The following KLHL22 variants were observed in gnomAD, a reference collection of about 807,000 sequenced individuals.
The protein encoded by KLHL22 is kelch-like protein 22.
Under a neutral mutation model 60.7 loss-of-function variants are expected in KLHL22, and 18 were observed. The ratio of observed to expected loss-of-function variants is 0.30; its 90% CI spans 0.20 to 0.44. The LOEUF (loss-of-function observed/expected upper bound fraction) is 0.44, where lower values mean the gene tolerates loss of function less well. Among genes scored for constraint, KLHL22 ranks in the 20% least tolerant of loss-of-function variants. The probability of loss-of-function intolerance (pLI) is 1.00; values close to 1 mark genes in which losing one functional copy is unlikely to be tolerated. For synonymous variants in KLHL22, 355 were observed against 354.5 expected (o/e 1.00, Z -0.01); for missense variants, 596 against 852.3 (o/e 0.70, Z 3.74).
At chr22:20,488,824 C>A (rs993592680) in intron 2 of KLHL22, 161 bp downstream of exon 2, 4 of 646,930 alleles carry the variant, frequency 6.2e-6, no homozygotes, top group Admixed American at 2.8e-5. Context: ...ACTCTAAGAC[C>A]CCCTTCTGTC....
intron 6 of KLHL22, 41 bp downstream of exon 6, chr22:20,446,400 TTG>T: frequency 9.2e-7 from 1 of 1,083,458 alleles, no homozygotes. Flanking sequence ...ACTGAGAGGC[TTG>T]GGAATGATGA....
chr22:20,457,268 C>A (rs1042324603), intron 5 of KLHL22, among the ~76,000 whole-genome samples: 1 of 151,660 alleles, frequency 6.6e-6, no homozygotes, highest in South Asian at 2.1e-4. Flanking sequence ...ATAGGATGCA[C>A]GTGATTTTTT....
At chr22:20,460,609 C>A (rs361902) in intron 4 of KLHL22, among the ~76,000 whole-genome samples, 40,102 of 42,588 alleles carry the variant, frequency 0.94, 18,814 homozygotes, top group Admixed American at 0.96. Flanking sequence ...ACTCCATCCC[C>A]CAAAAAAAAA....
chr22:20,489,235 C>T lies in KLHL22; in HGVS notation c.-24G>A, dbSNP rs780569368. 1.3e-5 allele frequency: 21 copies of T among 1,612,510 alleles called. No homozygotes were observed. Among genetic ancestry groups the T allele is most frequent in the Non-Finnish European group, 1.5e-5 (18 of 1,179,344 alleles). On this transcript the variant is annotated 5_prime_UTR_variant, in exon 2 of 7. Coordinates refer to ENST00000328879, the MANE Select transcript of KLHL22 (RefSeq NM_032775.4). Reference sequence around the variant, plus strand: ...ATCCTGACAGCCACAAGATCCCTTACAACTGTGGCCTGACAGTTGGCAAAA... The same window carrying T: ...ATCCTGACAGCCACAAGATCCCTTATAACTGTGGCCTGACAGTTGGCAAAA...
At chr22:20,473,535 A>T (rs555133790) in intron 2 of KLHL22, among the ~76,000 whole-genome samples, 1 of 152,260 alleles carries the variant, frequency 6.6e-6, no homozygotes, top group African/African-American at 2.4e-5. Flanking sequence ...CATTTTATTT[A>T]TTTTTTTGAC....
chr22:20,489,156 T>C lies in KLHL22; in HGVS notation c.56A>G (p.His19Arg). The change falls in exon 2 of 7, where the codon CAC becomes CGC. Residue 19 changes from histidine (H) to arginine (R), a missense_variant. Coordinates refer to ENST00000328879, the MANE Select transcript of KLHL22 (RefSeq NM_032775.4). ...GTAGGTGTTGTTCACGCAGTGTGGG[T>C]GTGAGGGCTGTGCAGGCAACTTGCA... Reference protein sequence around the residue: ...QLCKLPAQPSHPHCVNNTYRS... With the variant: ...QLCKLPAQPSRPHCVNNTYRS... The C allele has an allele frequency of 6.2e-7, 1 of 1,614,016 alleles. No individual in the cohort carries two copies. Among genetic ancestry groups the C allele is most frequent in the South Asian group, 1.1e-5 (1 of 91,068 alleles).
Position 20,465,328 on chromosome 22 carries a change from A to G in KLHL22, c.642T>C (p.Tyr214=), listed in dbSNP as rs992506394. The G allele has an allele frequency of 6.2e-7, 1 of 1,613,990 alleles. No individual in the cohort carries two copies. Among genetic ancestry groups the G allele is most frequent in the South Asian group, 1.1e-5 (1 of 91,080 alleles). Residue 214 remains tyrosine, a synonymous_variant, in exon 4 of 7, where the codon TAT becomes TAC. Coordinates refer to ENST00000328879, the MANE Select transcript of KLHL22 (RefSeq NM_032775.4). This position sits in a 1 kb window ranked among gnomAD's most constrained non-coding sequence, Gnocchi z 4.9. ...TATAATGGTAGAGAAGGGCCCCCTC[A>G]TATACCTCGGTCTCGCAGGAGACCT... ...RLEVSCETEV[Y]EGALLYHYSL...
At position 20,480,895 on chromosome 22, in the gene KLHL22, G is replaced by T. The variant is rs958339979; in HGVS notation, c.227+8090C>A. On this transcript the variant is annotated intron_variant, in intron 2 of 6. Transcript: ENST00000328879. Reference sequence around the variant, plus strand: ...CGCCCAGGCTGGAATGCAGTGGCGCGATCTCGGCTCACTGCGAGCTCCGCC... The same window carrying T: ...CGCCCAGGCTGGAATGCAGTGGCGCTATCTCGGCTCACTGCGAGCTCCGCC... 2.7e-5 allele frequency among the ~76,000 whole-genome samples: 4 copies of T among 146,982 alleles called. No individual in the cohort carries two copies. The South Asian group carries it at 6.6e-4, about 24-fold the overall frequency.
chr22:20,477,587 A>T (rs1445829847), intron 2 of KLHL22, among the ~76,000 whole-genome samples: 2 of 152,126 alleles, frequency 1.3e-5, no homozygotes, highest in African/African-American at 4.8e-5. Flanking sequence ...TGGGCAAAAA[A>T]GTGAGACTCT....
chr22:20,450,087 A>G, intron 5 of KLHL22: 2 of 754,010 alleles, frequency 2.7e-6, no homozygotes, highest in Admixed American at 3.5e-5. Context: ...TGCAGAATCC[A>G]AGGACCTATT....
At chr22:20,487,063 G>T (rs763082206) in intron 2 of KLHL22, among the ~76,000 whole-genome samples, 7 of 152,004 alleles carry the variant, frequency 4.6e-5, no homozygotes, top group Non-Finnish European at 8.8e-5. Context: ...GGGATTACAG[G>T]CATGTGCCAC....
chr22:20,466,158 G>A lies in KLHL22; in HGVS notation c.394-582C>T, dbSNP rs571540563. On this transcript the variant is annotated intron_variant, in intron 3 of 6. Coordinates refer to ENST00000328879, the MANE Select transcript of KLHL22 (RefSeq NM_032775.4). ...TGGGAGGACAAGGTGGGTGTATCAC[G>A]AGGTCAGGAGTTTGAGACCAGCCTG... Among the ~76,000 whole-genome samples, 8 of 152,062 alleles carry A rather than the reference G, an allele frequency of 5.3e-5. No individual in the cohort carries two copies. In the South Asian group the frequency reaches 1.5e-3, roughly 28 times the overall value.
intron 2 of KLHL22, among the ~76,000 whole-genome samples, chr22:20,474,484 C>T (rs984536063): frequency 1.3e-5 from 2 of 152,110 alleles, no homozygotes; most frequent in African/African-American, 2.4e-5. Context: ...CTCCGCCTCC[C>T]GGGTTCAAGC....
At chr22:20,483,422 C>T in intron 2 of KLHL22, 1 of 832,978 alleles carries the variant, frequency 1.2e-6, no homozygotes. Flanking sequence ...CCAGAGCTGG[C>T]AATCTGGTCT....
At chr22:20,485,383 T>A (rs1179121996) in intron 2 of KLHL22, among the ~76,000 whole-genome samples, 1 of 152,180 alleles carries the variant, frequency 6.6e-6, no homozygotes, top group Middle Eastern at 3.2e-3. Context: ...GCCATCCAAT[T>A]CCTAAACCAT....
At chr22:20,449,485 C>T (rs549314997) in intron 5 of KLHL22, among the ~76,000 whole-genome samples, 14 of 152,304 alleles carry the variant, frequency 9.2e-5, no homozygotes, top group African/African-American at 3.4e-4. Flanking sequence ...ACTGCAACCT[C>T]TGCCTCCCAG....
chr22:20,483,309 C>A (rs1176667039), intron 2 of KLHL22: 20 of 716,978 alleles, frequency 2.8e-5, no homozygotes, highest in Non-Finnish European at 4.1e-5. Flanking sequence ...ACTTGTCCAG[C>A]TCCTGTCGTT....
intron 4 of KLHL22, among the ~76,000 whole-genome samples, chr22:20,463,383 C>G (rs549771609): frequency 6.6e-6 from 1 of 152,328 alleles, no homozygotes; most frequent in Admixed American, 6.5e-5. Flanking sequence ...GATCAATGGC[C>G]CATAGCAGGT....
intron 3 of KLHL22, among the ~76,000 whole-genome samples, chr22:20,466,243 G>A (rs906040594): frequency 6.6e-6 from 1 of 151,732 alleles, no homozygotes; most frequent in Non-Finnish European, 1.5e-5. Context: ...GCGTGGTGGC[G>A]CGCGCCTGTA....
Sources: gnomAD v4.1 joint callset for allele counts (sites outside exome capture counted in the v4.1 genomes callset) on GRCh38, gnomAD v4.1.1 for gene constraint, Gnocchi (gnomAD v3.1) non-coding constraint, MANE v1.5 for transcripts, NCBI Gene and HGNC (gene_info 2026-07-23, HGNC 2026-07-21) for gene names.